Variants in BCORL1 observed in about 807,000 individuals in gnomAD.
BCORL1 encodes the protein BCL-6 corepressor-like protein 1.
Under a neutral mutation model 87.6 loss-of-function variants are expected in BCORL1, and 7 were observed. The ratio of observed to expected loss-of-function variants is 0.08; its 90% confidence interval spans 0.05 to 0.15. The LOEUF is 0.15. BCORL1 is among the 10% of genes least tolerant of loss of function. The pLI, the probability that BCORL1 is intolerant of heterozygous loss-of-function variation, is 1.00. For synonymous variants in BCORL1, 591 were observed against 634.4 expected (o/e 0.93, Z 1.03); for missense variants, 1,215 against 1,499.7 (o/e 0.81, Z 3.13).
intron 11 of BCORL1, among the ~76,000 whole-genome samples, chrX:130,044,193 C>T (rs371776117): frequency 8.2e-5 from 9 of 110,384 alleles, no homozygotes; most frequent in East Asian, 5.8e-4. Flanking sequence ...TGTGAGCCAC[C>T]GCGCCCAGCC....
chrX:129,988,300 A>C (rs1472378418), intron 1 of BCORL1, among the ~76,000 whole-genome samples: 1 of 112,087 alleles, frequency 8.9e-6, no homozygotes, highest in African/African-American at 3.2e-5. Context: ...GCAATCTTTT[A>C]TGATGAGAAC....
Position 130,020,473 on chromosome X carries a change from C to T in BCORL1, c.3442-512C>T, listed in dbSNP as rs764601473. 2.7e-5 allele frequency among the ~76,000 whole-genome samples: 3 copies of T among 111,761 alleles called. No homozygotes were observed. The South Asian group carries it at 1.1e-3, about 41-fold the overall frequency. ...CTCCTGTGTCATGTTTTTCTTCTTG[C>T]CTTAGTTGAATCTATTTTCTGGTAT... is the stretch of plus-strand genomic sequence containing the variant. On this transcript the variant is annotated intron_variant, in intron 4 of 13. Transcript: ENST00000540052.
intron 4 of BCORL1, among the ~76,000 whole-genome samples, chrX:130,020,110 G>A (rs1327933712): frequency 1.8e-5 from 2 of 112,312 alleles, no homozygotes; most frequent in African/African-American, 3.2e-5. Context: ...CAGGACCCCC[G>A]GGTCCTAGTC....
chrX:130,014,906 A>G lies in BCORL1; in HGVS notation c.2134A>G (p.Thr712Ala). ...GAAGAACTCAACTGCACTGATCAGC[A>G]CCATTCCTGGCACCTACGTGGGAGT... ...WVKNSTALIS[T>A]IPGTYVGVAN... The change falls in exon 4 of 14, where the codon ACC becomes GCC. Residue 712 changes from threonine (T) to alanine (A), a missense_variant. Thr to Ala is a moderately conservative substitution (Grantham distance 58). This residue lies in a region of BCORL1 where 861 missense variants were observed against 1,010.0 expected (regional missense o/e 0.85). Coordinates refer to ENST00000540052, the MANE Select transcript of BCORL1 (RefSeq NM_001379451.1). 8.3e-7 allele frequency: 1 copy of G among 1,211,390 alleles called. No homozygotes were observed. The highest frequency in any genetic ancestry group is 1.1e-6 in the Non-Finnish European group (1 of 895,377).
At chrX:130,030,318 A>G (rs756871144) in intron 8 of BCORL1, among the ~76,000 whole-genome samples, 178 of 111,701 alleles carry the variant, frequency 1.6e-3, no homozygotes, top group Non-Finnish European at 1.9e-3. Flanking sequence ...GTGGGAGGAC[A>G]GGGGCCCAGG....
At position 130,012,602 on chromosome X, in the gene BCORL1, G is replaced by A. The variant is rs757297066; in HGVS notation, c.111G>A (p.Glu37=). The A allele has an allele frequency of 1.5e-5, 18 of 1,209,977 alleles. No homozygotes were observed. Among genetic ancestry groups the A allele is most frequent in the Admixed American group, 8.7e-5 (4 of 45,818 alleles). ...EERRAPLSDE[E]STTGDCQHFG... Reference sequence around the variant, plus strand: ...GAAGAGCACCTCTTTCTGATGAGGAGTCAACGACAGGCGACTGCCAGCACT... The same window carrying A: ...GAAGAGCACCTCTTTCTGATGAGGAATCAACGACAGGCGACTGCCAGCACT... The change falls in exon 3 of 14, where the codon GAG becomes GAA. Residue 37 remains glutamate, a synonymous_variant. Transcript: ENST00000540052.
chrX:130,017,213 C>T (rs1165509403), intron 4 of BCORL1, among the ~76,000 whole-genome samples: 6 of 110,890 alleles, frequency 5.4e-5, no homozygotes, highest in Non-Finnish European at 1.1e-4. Flanking sequence ...ACCTCTGCCC[C>T]ATCGCCCAAA....
Position 130,012,987 on chromosome X carries a change from G to C in BCORL1, c.215G>C (p.Arg72Pro). ...LTAVGSGSNA[R>P]GADPDGSATE... is the part of the protein sequence containing the mutation. ...GCAGTTGGAAGTGGCAGCAATGCCCGGGGGGCAGACCCAGATGGCAGTGCT... is the reference window on the plus strand; with the variant it reads ...GCAGTTGGAAGTGGCAGCAATGCCCCGGGGGCAGACCCAGATGGCAGTGCT... The change falls in exon 4 of 14, where the codon CGG becomes CCG. Residue 72 changes from arginine to proline, a missense_variant. Physicochemically the swap from Arg to Pro is moderately radical, Grantham distance 103 (BLOSUM62 -2). Coordinates refer to ENST00000540052, the MANE Select transcript of BCORL1 (RefSeq NM_001379451.1). 1 of 1,202,057 alleles carries C rather than the reference G, an allele frequency of 8.3e-7. No individual in the cohort carries two copies. The highest frequency in any genetic ancestry group is 2.2e-5 in the Admixed American group (1 of 45,585).
chrX:130,036,396 G>T (rs765540317), intron 9 of BCORL1, among the ~76,000 whole-genome samples: 1 of 111,367 alleles, frequency 9.0e-6, no homozygotes, highest in South Asian at 3.8e-4. Flanking sequence ...GAGTGGCTGG[G>T]ATTACAGGCA....
At chrX:130,005,548 C>T (rs866115274) in intron 2 of BCORL1, among the ~76,000 whole-genome samples, 7 of 111,726 alleles carry the variant, frequency 6.3e-5, no homozygotes, top group Admixed American at 1.9e-4. Flanking sequence ...GACCTTTTGC[C>T]AGCTAGCACT....
At chrX:130,002,049 C>G (rs1928089012) in intron 1 of BCORL1, among the ~76,000 whole-genome samples, 1 of 110,048 alleles carries the variant, frequency 9.1e-6, no homozygotes, top group Non-Finnish European at 1.9e-5. Context: ...GGCCTGACTT[C>G]TGATCGAATA....
rs1170265378 is a variant in BCORL1 at position 130,021,090 on chromosome X, C to T, written c.3547C>T (p.Arg1183Trp). The change falls in exon 5 of 14, where the codon CGG (arginine) becomes TGG (tryptophan). Residue 1183 changes from arginine to tryptophan, a missense_variant. Physicochemically the swap from Arg to Trp is moderately radical, Grantham distance 101. Coordinates refer to ENST00000540052, the MANE Select transcript of BCORL1 (RefSeq NM_001379451.1). ...TGGAGTCAGGGGAAAGCACAAGCAC[C>T]GGAAGCCGACAAAGCCGGAGTCCCA... ...HNGVRGKHKH[R>W]KPTKPESQSP... 3 of 1,201,772 alleles carry T rather than the reference C, an allele frequency of 2.5e-6. No homozygotes were observed. Among genetic ancestry groups the T allele is most frequent in the Admixed American group, 2.3e-5 (1 of 44,072 alleles).
chrX:130,039,237 G>T lies in BCORL1; in HGVS notation c.4795G>T (p.Ala1599Ser). ...PTLATYSGQT[A>S]MKLASSDTMK... ...ACTGGCTACCTACTCGGGTCAGACAGCCATGAAGCTGGCCAGCAGCGACAC... is the reference window on the plus strand; with the variant it reads ...ACTGGCTACCTACTCGGGTCAGACATCCATGAAGCTGGCCAGCAGCGACAC... The change falls in exon 11 of 14, where the codon GCC (alanine) becomes TCC (serine). Residue 1599 changes from alanine (A) to serine (S), a missense_variant. Around this residue, in one of 5 missense-constraint regions of BCORL1, gnomAD observed 129 missense variants for 157.5 expected, o/e 0.82. Transcript: ENST00000540052. The T allele has an allele frequency of 8.3e-7, 1 of 1,211,221 alleles. No individual in the cohort carries two copies.
intron 2 of BCORL1, among the ~76,000 whole-genome samples, chrX:130,006,080 G>A (rs928149755): frequency 2.7e-5 from 3 of 111,838 alleles, no homozygotes; most frequent in African/African-American, 6.5e-5. Flanking sequence ...GGTGGTCAGC[G>A]CTTTCTCACC....
At chrX:130,027,532 G>A in intron 7 of BCORL1, among the ~76,000 whole-genome samples, 1 of 112,456 alleles carries the variant, frequency 8.9e-6, no homozygotes, top group Non-Finnish European at 1.9e-5. Flanking sequence ...GGCGAGTTGA[G>A]AACTCTTCAA....
upstream of BCORL1, among the ~76,000 whole-genome samples, chrX:129,982,243 G>C (rs965127211): frequency 2.7e-5 from 3 of 111,260 alleles, no homozygotes; most frequent in African/African-American, 9.8e-5. Context: ...CAGATTGAGC[G>C]CCTCCGCCTC....
At position 130,056,607 on chromosome X, in the gene BCORL1, C is replaced by T. The variant is rs1932405504; in HGVS notation, c.*471C>T. 1 of 115,407 alleles carries T rather than the reference C, an allele frequency of 8.7e-6. No individual in the cohort carries two copies. 9.5% of individuals were successfully genotyped at this position (115,407 alleles called of 1,213,427 possible). On this transcript the variant is annotated 3_prime_UTR_variant, in exon 14 of 14. Transcript: ENST00000540052. ...TATTAGTATTTAATTTGTATTGTTTCATTGGTTTCTGATAAGTCTGTATCA... is the reference window on the plus strand; with the variant it reads ...TATTAGTATTTAATTTGTATTGTTTTATTGGTTTCTGATAAGTCTGTATCA...
intron 1 of BCORL1, among the ~76,000 whole-genome samples, chrX:129,998,714 G>A (rs1448103122): frequency 9.0e-6 from 1 of 111,662 alleles, no homozygotes; most frequent in African/African-American, 3.3e-5. Context: ...CCGCTTTAGA[G>A]GTTCCCTTTG....
chrX:130,050,878 T>C, intron 12 of BCORL1, 84 bp downstream of exon 12: 1 of 854,978 alleles, frequency 1.2e-6, no homozygotes, highest in Non-Finnish European at 1.7e-6. Flanking sequence ...CACCTTTTAG[T>C]GGCTTACAGA....
Sources: allele counts gnomAD v4.1 joint callset (sites outside exome capture counted in the v4.1 genomes callset), GRCh38; gene constraint gnomAD v4.1.1; regional missense constraint gnomAD v4.1.1; transcripts MANE v1.5; gene names NCBI Gene and HGNC (gene_info 2026-07-23, HGNC 2026-07-21).